Variants in JAZF1 observed in about 807,000 individuals in gnomAD.
The protein encoded by JAZF1 is JAZF zinc finger 1.
A neutral mutation model predicts 26.4 loss-of-function variants in JAZF1; 8 were observed. The observed-to-expected ratio is 0.30, with a 90% CI of 0.18 to 0.55. The LOEUF (loss-of-function observed/expected upper bound fraction) is 0.55, where lower values mean the gene tolerates loss of function less well. Ranked by LOEUF, JAZF1 falls within the 20% of genes least tolerant of loss-of-function variation. The pLI is 0.94. For missense variants in JAZF1, 199 were observed against 322.0 expected, an observed-to-expected ratio of 0.62 and a Z score of 2.92; for synonymous variants, 126 against 122.3, an observed-to-expected ratio of 1.03 and a Z score of -0.20.
At chr7:27,999,622 A>G (rs1217745673) in intron 1 of JAZF1, among the ~76,000 whole-genome samples, 2 of 152,278 alleles carry the variant, frequency 1.3e-5, no homozygotes, top group South Asian at 4.1e-4. Flanking sequence ...TACCATATAT[A>G]TTTGCAAATA....
chr7:28,120,824 A>G (rs1325217171), intron 1 of JAZF1, among the ~76,000 whole-genome samples: 1 of 152,010 alleles, frequency 6.6e-6, no homozygotes, highest in South Asian at 2.1e-4. Context: ...TGGGACCTAG[A>G]CAATGCTAAT....
chr7:28,069,532 T>C (rs558189060), intron 1 of JAZF1, among the ~76,000 whole-genome samples: 1 of 152,244 alleles, frequency 6.6e-6, no homozygotes, highest in South Asian at 2.1e-4. Context: ...GCTGATTTGT[T>C]CCATGAGCCT....
At chr7:28,173,864 T>C (rs1783509232) in intron 1 of JAZF1, among the ~76,000 whole-genome samples, 1 of 133,976 alleles carries the variant, frequency 7.5e-6, no homozygotes, top group South Asian at 2.5e-4. Context: ...ATCTGGTCCC[T>C]GCTTGCAGCT....
intron 3 of JAZF1, among the ~76,000 whole-genome samples, chr7:27,864,758 G>A (rs1283527085): frequency 6.6e-6 from 1 of 152,134 alleles, no homozygotes; most frequent in Admixed American, 6.5e-5. Context: ...GTCTCTTCAG[G>A]ACAGCAGGGA....
Position 28,001,092 on chromosome 7 carries a change from G to A in JAZF1, c.116-9111C>T, listed in dbSNP as rs556124612. Among the ~76,000 whole-genome samples, 3 of 152,004 alleles carry A rather than the reference G, an allele frequency of 2.0e-5. No individual in the cohort carries two copies. The East Asian group carries it at 5.9e-4, about 30-fold the overall frequency. The stretch of plus-strand genomic sequence containing the variant: ...AATCTGGCCGGGCGCAGTGGCTCAT[G>A]TCTGTAATCCTAGCACTTTGGGAGG... On this transcript the variant is annotated intron_variant, in intron 1 of 4. Transcript: ENST00000283928.
At position 28,071,648 on chromosome 7, in the gene JAZF1, G is replaced by A. The variant is rs77506577; in HGVS notation, c.116-79667C>T. 1.5e-4 allele frequency: 71 copies of A among 471,586 alleles called. No individual in the cohort carries two copies. The East Asian group carries it at 4.7e-3, about 31-fold the overall frequency. 29.2% of individuals were successfully genotyped at this position (471,586 alleles called of 1,614,324 possible). On this transcript the variant is annotated intron_variant, in intron 1 of 4. Coordinates refer to ENST00000283928, the MANE Select transcript of JAZF1 (RefSeq NM_175061.4). ...GCCACCCACATACAGACCCAAGGAC[G>A]GACCTTCTATCCAGTGACGGCACTT...
chr7:27,983,084 G>T (rs537918924), intron 2 of JAZF1, among the ~76,000 whole-genome samples: 1 of 152,230 alleles, frequency 6.6e-6, no homozygotes, highest in Non-Finnish European at 1.5e-5. Context: ...AACAAAGCTG[G>T]ATGGAGAATG....
At chr7:28,029,973 A>C (rs577689298) in intron 1 of JAZF1, among the ~76,000 whole-genome samples, 8 of 152,362 alleles carry the variant, frequency 5.3e-5, no homozygotes, top group Admixed American at 2.0e-4. Context: ...CTTACTTTCA[A>C]AATCTGAAAA....
intron 1 of JAZF1, among the ~76,000 whole-genome samples, chr7:28,072,083 C>T (rs994556206): frequency 6.6e-5 from 10 of 152,266 alleles, no homozygotes; most frequent in East Asian, 1.9e-4. Context: ...TCTGAGAAGA[C>T]GAATAAAGGA....
intron 1 of JAZF1, among the ~76,000 whole-genome samples, chr7:28,060,789 T>C (rs1783785051): frequency 6.6e-6 from 1 of 152,212 alleles, no homozygotes; most frequent in Non-Finnish European, 1.5e-5. Context: ...GAGTTTTCCT[T>C]CTGTGGCTCT....
At chr7:27,956,036 A>G (rs1785082965) in intron 2 of JAZF1, among the ~76,000 whole-genome samples, 1 of 152,220 alleles carries the variant, frequency 6.6e-6, no homozygotes, top group South Asian at 2.1e-4. Flanking sequence ...AAAGTGCTGG[A>G]GGAAGGGACC....
intron 3 of JAZF1, among the ~76,000 whole-genome samples, chr7:27,872,919 A>G (rs569647547): frequency 1.1e-4 from 17 of 152,288 alleles, no homozygotes; most frequent in African/African-American, 3.9e-4. Context: ...GCCTTGTTTT[A>G]TGAAGCTATG....
At chr7:27,945,490 C>A (rs760749697) in intron 2 of JAZF1, among the ~76,000 whole-genome samples, 6 of 152,172 alleles carry the variant, frequency 3.9e-5, no homozygotes, top group Non-Finnish European at 7.3e-5. Flanking sequence ...GTTCTTCCTC[C>A]TCCCCTTCTC....
intron 1 of JAZF1, among the ~76,000 whole-genome samples, chr7:28,022,031 A>G (rs1783015089): frequency 6.6e-6 from 1 of 152,214 alleles, no homozygotes; most frequent in Non-Finnish European, 1.5e-5. Context: ...GACTGGGAAA[A>G]GGCTCAATAA....
chr7:28,158,982 C>T (rs1783235339), intron 1 of JAZF1, among the ~76,000 whole-genome samples: 2 of 152,138 alleles, frequency 1.3e-5, no homozygotes, highest in Admixed American at 1.3e-4. Context: ...CTGTCCTGGG[C>T]CCTGGGAACT....
At chr7:28,037,635 A>G (rs530307198) in intron 1 of JAZF1, among the ~76,000 whole-genome samples, 5 of 152,270 alleles carry the variant, frequency 3.3e-5, no homozygotes, top group African/African-American at 1.2e-4. Context: ...TTTTATTTGT[A>G]TGTGTCTATT....
intron 2 of JAZF1, among the ~76,000 whole-genome samples, chr7:27,950,730 G>A (rs1352955446): frequency 2.6e-5 from 4 of 152,066 alleles, no homozygotes; most frequent in Non-Finnish European, 5.9e-5. Context: ...TGTGCCATGA[G>A]CTTGATATTT....
At chr7:28,013,268 G>A (rs1440158327) in intron 1 of JAZF1, among the ~76,000 whole-genome samples, 2 of 152,058 alleles carry the variant, frequency 1.3e-5, no homozygotes, top group African/African-American at 4.8e-5. Context: ...CCTAGCACAG[G>A]GCCTGCTTGC....
intron 1 of JAZF1, among the ~76,000 whole-genome samples, chr7:27,994,454 A>C (rs1211473575): frequency 5.9e-5 from 2 of 34,096 alleles, no homozygotes; most frequent in African/African-American, 9.2e-5. Flanking sequence ...AAAAAAAAAA[A>C]CAAAAAACAA....
Sources: gnomAD v4.1 joint callset for allele counts (sites outside exome capture counted in the v4.1 genomes callset) on GRCh38, gnomAD v4.1.1 for gene constraint, MANE v1.5 for transcripts, NCBI Gene and HGNC (gene_info 2026-07-23, HGNC 2026-07-21) for gene names.